The following ANK2 variants were observed in gnomAD, a reference collection of about 807,000 sequenced individuals.
The protein encoded by ANK2 is ankyrin 2, also known as ankyrin-2.
A neutral mutation model predicts 360.5 loss-of-function variants in ANK2; 83 were observed. The observed-to-expected ratio is 0.23, with a 90% CI of 0.19 to 0.28. The LOEUF (loss-of-function observed/expected upper bound fraction) is 0.28. Among genes scored for constraint, ANK2 ranks in the 10% least tolerant of loss-of-function variants. The pLI, the probability that ANK2 is intolerant of heterozygous loss-of-function variation, is 1.00. For missense variants in ANK2, 4,201 were observed against 4,795.7 expected (o/e 0.88, Z 3.66); for synonymous variants, 1,740 against 1,759.5 (o/e 0.99, Z 0.28).
In ANK2 at chr4:113,348,138, A is replaced by C. The variant is rs1367336198; in HGVS notation, c.4372-138A>C. 7 of 823,118 alleles carry C rather than the reference A, an allele frequency of 8.5e-6. No individual in the cohort carries two copies. The Admixed American group carries it at 1.5e-4, about 17-fold the overall frequency. The allele number at this position is 823,118 out of a possible 1,614,324, so 51.0% of individuals were successfully genotyped here. On this transcript the variant is annotated intron_variant, in intron 35 of 45. Transcript: ENST00000357077. ...TCTTCTATAAACTGTTAGTAATAAA[A>C]AAAGAGTATGTTGACTGTATGCTTG...
chr4:113,235,774 T>A (rs911814684), intron 5 of ANK2, among the ~76,000 whole-genome samples: 10 of 150,286 alleles, frequency 6.7e-5, no homozygotes, highest in Admixed American at 6.6e-4. Context: ...TGGAGTCTTG[T>A]GCTGTCACCC....
intron 2 of ANK2, among the ~76,000 whole-genome samples, chr4:112,996,956 A>G (rs2048765965): frequency 6.6e-6 from 1 of 151,994 alleles, no homozygotes; most frequent in African/African-American, 2.4e-5. Flanking sequence ...CATGAATTTA[A>G]TTGACATAAA....
intron 19 of ANK2, among the ~76,000 whole-genome samples, chr4:113,288,054 A>C (rs918391215): frequency 6.6e-6 from 1 of 152,032 alleles, no homozygotes; most frequent in African/African-American, 2.4e-5. Flanking sequence ...TTCCCTCTCT[A>C]TGCCATAAAA....
the ANK2 span, among the ~76,000 whole-genome samples, chr4:112,734,050 C>G: frequency 6.6e-6 from 1 of 152,202 alleles, no homozygotes; most frequent in Non-Finnish European, 1.5e-5. Flanking sequence ...GCTGGGTTTA[C>G]AGGCGTGAGC....
intron 38 of ANK2, among the ~76,000 whole-genome samples, chr4:113,359,778 A>G (rs1206612421): frequency 6.6e-6 from 1 of 152,212 alleles, no homozygotes; most frequent in African/African-American, 2.4e-5. Flanking sequence ...GATTTCACAT[A>G]ACATGAAATT....
intron 17 of ANK2, among the ~76,000 whole-genome samples, chr4:113,279,826 G>T (rs2061585342): frequency 6.6e-6 from 1 of 151,706 alleles, no homozygotes; most frequent in Admixed American, 6.6e-5. Context: ...AAAAGAGGGT[G>T]CCAAATGTTC....
At chr4:113,066,344 T>C (rs1435452537) in intron 1 of ANK2, among the ~76,000 whole-genome samples, 2 of 152,222 alleles carry the variant, frequency 1.3e-5, no homozygotes, top group Non-Finnish European at 2.9e-5. Context: ...GTGGGGTGCC[T>C]TTTATTCATC....
chr4:113,151,218 C>T, intron 1 of ANK2: 1 of 1,046,206 alleles, frequency 9.6e-7, no homozygotes, highest in Admixed American at 2.7e-5. Context: ...AGGAATGTAC[C>T]CTTACTGCAA....
the ANK2 span, among the ~76,000 whole-genome samples, chr4:112,752,061 T>A: frequency 2.0e-5 from 3 of 152,216 alleles, no homozygotes; most frequent in African/African-American, 7.2e-5. Context: ...GTGGTTCTTA[T>A]ACACATGGCA....
intron 1 of ANK2, among the ~76,000 whole-genome samples, chr4:112,854,381 A>G (rs925612619): frequency 5.9e-5 from 9 of 152,222 alleles, no homozygotes; most frequent in African/African-American, 2.2e-4. Context: ...ATTAAGGTGC[A>G]TGGTAGAGGA....
At chr4:112,864,779 T>C (rs2069629696) in intron 1 of ANK2, among the ~76,000 whole-genome samples, 1 of 151,086 alleles carries the variant, frequency 6.6e-6, no homozygotes, top group South Asian at 2.1e-4. Flanking sequence ...AAGCCTGTAA[T>C]ACTAGCACTT....
chr4:112,901,110 T>C (rs2150858720), intron 1 of ANK2, among the ~76,000 whole-genome samples: 1 of 152,348 alleles, frequency 6.6e-6, no homozygotes, highest in East Asian at 1.9e-4. Flanking sequence ...CATCTCCAAC[T>C]ACATTGGAAG....
chr4:112,757,474 T>A, the ANK2 span, among the ~76,000 whole-genome samples: 1 of 152,214 alleles, frequency 6.6e-6, no homozygotes, highest in Non-Finnish European at 1.5e-5. Flanking sequence ...TCTACATTGA[T>A]GAATCACCAC....
the ANK2 span, among the ~76,000 whole-genome samples, chr4:112,781,184 G>A: frequency 6.6e-6 from 1 of 152,080 alleles, no homozygotes; most frequent in Non-Finnish European, 1.5e-5. Context: ...TAGGGAAGGG[G>A]TTTCACCATG....
intron 5 of ANK2, among the ~76,000 whole-genome samples, chr4:113,233,883 G>T (rs912937200): frequency 6.6e-6 from 1 of 152,084 alleles, no homozygotes; most frequent in East Asian, 1.9e-4. Context: ...TTTATGATTT[G>T]GGACCTTTTT....
intron 2 of ANK2, among the ~76,000 whole-genome samples, chr4:112,925,374 A>T (rs2092395751): frequency 6.6e-6 from 1 of 152,232 alleles, no homozygotes; most frequent in South Asian, 2.1e-4. Context: ...GAAGAATAAC[A>T]TCCATCTGTT....
chr4:113,015,105 G>A (rs1213375016), intron 2 of ANK2, among the ~76,000 whole-genome samples: 4 of 152,026 alleles, frequency 2.6e-5, no homozygotes, highest in African/African-American at 7.2e-5. Context: ...TGATCCGCCC[G>A]CCTCTGCCTC....
the ANK2 span, among the ~76,000 whole-genome samples, chr4:112,800,357 A>G: frequency 4.6e-5 from 7 of 152,184 alleles, no homozygotes; most frequent in African/African-American, 1.7e-4. Flanking sequence ...ACCAATTAGT[A>G]TATATACTAG....
chr4:112,775,931 G>A, the ANK2 span, among the ~76,000 whole-genome samples: 1 of 152,182 alleles, frequency 6.6e-6, no homozygotes, highest in East Asian at 1.9e-4. Flanking sequence ...TTGCAGCCCA[G>A]CCACCCTTGG....
Sources: allele counts gnomAD v4.1 joint callset (sites outside exome capture counted in the v4.1 genomes callset), GRCh38; gene constraint gnomAD v4.1.1; transcripts MANE v1.5; gene names NCBI Gene and HGNC (gene_info 2026-07-23, HGNC 2026-07-21).